Variants in ANKRD30A observed in about 807,000 individuals in gnomAD.
ANKRD30A encodes ankyrin repeat domain-containing protein 30A.
A neutral mutation model predicts 166.3 loss-of-function variants in ANKRD30A; 170 were observed. The observed-to-expected ratio is 1.02, with a 90% CI of 0.90 to 1.16. The LOEUF is 1.16. ANKRD30A is among the 50% of genes most tolerant of loss of function. The pLI, the probability that ANKRD30A is intolerant of heterozygous loss-of-function variation, is 0.00. For synonymous variants in ANKRD30A, 564 were observed against 508.9 expected (o/e 1.11, Z -1.46); for missense variants, 1,630 against 1,518.0 (o/e 1.07, Z -1.23).
At chr10:37,220,973 T>C (rs540321318) in intron 34 of ANKRD30A, among the ~76,000 whole-genome samples, 1 of 151,324 alleles carries the variant, frequency 6.6e-6, no homozygotes, top group African/African-American at 2.4e-5. Flanking sequence ...TGATGTTGAT[T>C]TGTGCTTCTA....
At chr10:37,197,986 G>A (rs1439039007) in intron 29 of ANKRD30A, among the ~76,000 whole-genome samples, 1 of 152,024 alleles carries the variant, frequency 6.6e-6, no homozygotes. Context: ...GTGCCTGTGT[G>A]TGCCTGTGTA....
chr10:37,145,031 A>G lies in ANKRD30A; in HGVS notation c.1430A>G (p.Asp477Gly). 6.2e-7 allele frequency: 1 copy of G among 1,600,432 alleles called. No homozygotes were observed. Among genetic ancestry groups the G allele is most frequent in the Admixed American group, 1.7e-5 (1 of 58,606 alleles). ...CCATCAGAATCCAAACAAGAGGAAG[A>G]TGAAGAATATTCTTGTGATTCTCGG... is the stretch of plus-strand genomic sequence containing the variant. ...RFPSESKQEE[D>G]EEYSCDSRSL... The change falls in exon 8 of 36, where the codon GAT becomes GGT. Residue 477 changes from aspartate (D) to glycine (G), a missense_variant. Asp to Gly is a moderately conservative substitution (Grantham distance 94, BLOSUM62 -1). Around this residue, in one of 4 missense-constraint regions of ANKRD30A, gnomAD observed 904 missense variants for 818.5 expected, o/e 1.10. Coordinates refer to ENST00000361713, the MANE Select transcript of ANKRD30A (RefSeq NM_052997.3).
the ANKRD30A span, chr10:37,248,270 C>T: frequency 7.2e-6 from 4 of 557,454 alleles, no homozygotes; most frequent in Admixed American, 6.0e-5. Flanking sequence ...GAATTGTCAC[C>T]TCAAAAAGGC....
At chr10:37,165,707 G>C (rs1588848177) in intron 18 of ANKRD30A, among the ~76,000 whole-genome samples, 2 of 152,068 alleles carry the variant, frequency 1.3e-5, no homozygotes, top group Non-Finnish European at 2.9e-5. Context: ...CAAGAGTATT[G>C]GTTGAGTAGT....
rs368742296 is a variant in ANKRD30A at position 37,147,439 on chromosome 10, A to T, written c.1525A>T (p.Ile509Leu). The part of the protein sequence containing the change: ...PESIYQKVME[I>L]NREVEEPPKK... ...GTCTATATATCAAAAAGTAATGGAG[A>T]TAAATAGAGAAGTAGAAGGTAAGAA... Residue 509 changes from isoleucine (I) to leucine (L), a missense_variant, in exon 9 of 36, where the codon ATA becomes TTA. Coordinates refer to ENST00000361713, the MANE Select transcript of ANKRD30A (RefSeq NM_052997.3). The T allele has an allele frequency of 5.7e-6, 9 of 1,584,788 alleles. No homozygotes were observed. The highest frequency in any genetic ancestry group is 7.7e-6 in the Non-Finnish European group (9 of 1,166,636).
chr10:37,194,714 C>T (rs1178110839), intron 27 of ANKRD30A, among the ~76,000 whole-genome samples: 2 of 152,068 alleles, frequency 1.3e-5, no homozygotes, highest in African/African-American at 2.4e-5. Flanking sequence ...GTTTGCTTAT[C>T]GAATATTTTA....
chr10:37,161,309 GAGA>G (rs1408656822), intron 15 of ANKRD30A, among the ~76,000 whole-genome samples: 3 of 152,098 alleles, frequency 2.0e-5, no homozygotes, highest in Non-Finnish European at 4.4e-5. Context: ...CTTTTAGCCA[GAGA>G]AGAAGAAGAA....
Position 37,151,951 on chromosome 10 carries a change from C to A in ANKRD30A, c.1646-109C>A, listed in dbSNP as rs17590106. On this transcript the variant is annotated intron_variant, in intron 11 of 35. Coordinates refer to ENST00000361713, the MANE Select transcript of ANKRD30A (RefSeq NM_052997.3). ...TAATCGACAAAAAGAATATACGGGC[C>A]ACAGAGGAAAAACCACAGATTCGTG... 1.7e-5 allele frequency: 16 copies of A among 943,622 alleles called. 1 individual carries two copies. The South Asian group carries it at 2.2e-4, about 13-fold the overall frequency. The allele number at this position is 943,622 out of a possible 1,614,324, so 58.5% of individuals were successfully genotyped here.
rs1491157188 is a variant in ANKRD30A, at chr10:37,220,028, T to TATATATATATATAA, written c.4185+132_4185+133insTATATATATATAAA. On this transcript the variant is annotated intron_variant, in intron 34 of 35. Transcript: ENST00000361713. ...ATATATATATATATATATATATATA[T>TATATATATATATAA]AATATATGTATGTATAAATAGATGA... 4 of 152,076 alleles carry TATATATATATATAA rather than the reference T, an allele frequency of 2.6e-5. No homozygotes were observed. In the East Asian group the frequency reaches 5.8e-4, roughly 22 times the overall value. 9.4% of individuals were successfully genotyped at this position (152,076 alleles called of 1,614,324 possible). A position where few individuals can be genotyped will look rare whatever the true frequency, so the allele number is the denominator to read the frequency against.
At chr10:37,138,963 G>C (rs1047528440) in intron 6 of ANKRD30A, among the ~76,000 whole-genome samples, 3 of 152,134 alleles carry the variant, frequency 2.0e-5, no homozygotes, top group Non-Finnish European at 4.4e-5. Flanking sequence ...AAAATGTCAA[G>C]GGCAGCCAGA....
At chr10:37,195,327 T>A (rs565989604) in intron 27 of ANKRD30A, among the ~76,000 whole-genome samples, 3 of 152,158 alleles carry the variant, frequency 2.0e-5, no homozygotes, top group Non-Finnish European at 4.4e-5. Context: ...ACAGATTCAT[T>A]CTGTGTCTCA....
the ANKRD30A span, among the ~76,000 whole-genome samples, chr10:37,252,466 ATGGCATTGT>A: frequency 2.0e-5 from 3 of 152,176 alleles, no homozygotes; most frequent in African/African-American, 7.2e-5. Flanking sequence ...CCCTCTGCTC[ATGGCATTGT>A]TGGGTCATAT....
At chr10:37,224,647 A>G (rs896124332) in intron 34 of ANKRD30A, among the ~76,000 whole-genome samples, 1 of 151,458 alleles carries the variant, frequency 6.6e-6, no homozygotes, top group Non-Finnish European at 1.5e-5. Flanking sequence ...TTTGCTGAGA[A>G]CTTTAATTTG....
Position 37,193,269 on chromosome 10 carries a change from T to A in ANKRD30A, c.2614+11T>A. 6.2e-7 allele frequency: 1 copy of A among 1,602,936 alleles called. No homozygotes were observed. On this transcript the variant is annotated intron_variant, in intron 27 of 35. Coordinates refer to ENST00000361713, the MANE Select transcript of ANKRD30A (RefSeq NM_052997.3). ...AAACTTTCAAAGCAGGTAAATTTTG[T>A]AATTTTAATTTTACTCTGGAAAGAA...
At chr10:37,236,276 C>A (rs1396616143), downstream of ANKRD30A, among the ~76,000 whole-genome samples, 1 of 152,130 alleles carries the variant, frequency 6.6e-6, no homozygotes, top group African/African-American at 2.4e-5. Flanking sequence ...CATCAACATA[C>A]CCGCTTTATT....
intron 8 of ANKRD30A, among the ~76,000 whole-genome samples, chr10:37,146,776 G>A (rs940675352): frequency 2.0e-5 from 3 of 152,128 alleles, no homozygotes; most frequent in Non-Finnish European, 2.9e-5. Flanking sequence ...GTACATCAAA[G>A]GTGAGTCTTA....
At chr10:37,197,765 G>A (rs1462728617) in intron 29 of ANKRD30A, among the ~76,000 whole-genome samples, 1 of 152,034 alleles carries the variant, frequency 6.6e-6, no homozygotes, top group Admixed American at 6.6e-5. Context: ...ATTCAAGAAG[G>A]TGAATGTTGA....
At chr10:37,232,640 T>C (rs539112611), downstream of ANKRD30A, 3 of 80,952 alleles carry the variant, frequency 3.7e-5, no homozygotes, top group East Asian at 1.4e-3. Context: ...GATGTATAAA[T>C]TGAAGCATTG....
At chr10:37,161,242 G>A (rs1277686466) in intron 15 of ANKRD30A, among the ~76,000 whole-genome samples, 1 of 152,150 alleles carries the variant, frequency 6.6e-6, no homozygotes, top group East Asian at 1.9e-4. Context: ...TTGGATAGAA[G>A]GTCAAGACAT....
Sources: gnomAD v4.1 joint callset for allele counts (sites outside exome capture counted in the v4.1 genomes callset) on GRCh38, gnomAD v4.1.1 for gene constraint, gnomAD v4.1.1 regional missense constraint, MANE v1.5 for transcripts, NCBI Gene and HGNC (gene_info 2026-07-23, HGNC 2026-07-21) for gene names.